Variants in MIPOL1 observed in about 807,000 individuals in gnomAD.
The protein encoded by MIPOL1 is mirror-image polydactyly 1, also known as mirror-image polydactyly gene 1 protein.
In MIPOL1, 57 loss-of-function variants were observed where a neutral mutation model predicts 60.9. That is an observed-to-expected ratio of 0.94 (90% confidence interval 0.76 to 1.17). The LOEUF is 1.17. Ranked by LOEUF, MIPOL1 falls within the 50% of genes most tolerant of loss-of-function variation. The pLI is 0.00. For synonymous variants in MIPOL1, 179 were observed against 168.8 expected (o/e 1.06, Z -0.47); for missense variants, 551 against 511.6 (o/e 1.08, Z -0.74).
intron 12 of MIPOL1, among the ~76,000 whole-genome samples, chr14:37,542,477 G>A (rs1316220308): frequency 6.6e-6 from 1 of 151,854 alleles, no homozygotes; most frequent in Non-Finnish European, 1.5e-5. Flanking sequence ...CTCTTATTTT[G>A]TTGTTCTGAG....
intron 11 of MIPOL1, among the ~76,000 whole-genome samples, chr14:37,481,560 A>ACACACACAC (rs1491233595): frequency 2.7e-5 from 3 of 113,148 alleles, no homozygotes; most frequent in African/African-American, 1.1e-4. Context: ...GACCCCCCCC[A>ACACACACAC]ACACACACAC....
intron 11 of MIPOL1, among the ~76,000 whole-genome samples, chr14:37,428,436 C>A (rs1418701281): frequency 4.6e-5 from 7 of 151,962 alleles, no homozygotes; most frequent in African/African-American, 1.7e-4. Context: ...ACAAAAAATA[C>A]AAAATTTAGC....
intron 4 of MIPOL1, among the ~76,000 whole-genome samples, chr14:37,268,118 A>G (rs2083018856): frequency 6.6e-6 from 1 of 152,196 alleles, no homozygotes; most frequent in Non-Finnish European, 1.5e-5. Flanking sequence ...TCTAGACAAA[A>G]TAATATTTTG....
chr14:37,324,076 A>G (rs1239120930), intron 9 of MIPOL1, among the ~76,000 whole-genome samples: 1 of 152,038 alleles, frequency 6.6e-6, no homozygotes, highest in Non-Finnish European at 1.5e-5. Context: ...TTGGTTAGAC[A>G]CCTAAGAGTG....
intron 9 of MIPOL1, among the ~76,000 whole-genome samples, chr14:37,344,575 G>A (rs2090809768): frequency 6.6e-6 from 1 of 151,886 alleles, no homozygotes; most frequent in Non-Finnish European, 1.5e-5. Flanking sequence ...TTCTTTCTAT[G>A]TTGTTAGCAA....
chr14:37,533,351 G>A (rs530630610), intron 12 of MIPOL1, among the ~76,000 whole-genome samples: 3 of 152,106 alleles, frequency 2.0e-5, no homozygotes, highest in East Asian at 1.9e-4. Context: ...ATTGATTCCC[G>A]ATAAGAAAAA....
At chr14:37,430,515 A>ATTTTT (rs765408771) in intron 11 of MIPOL1, among the ~76,000 whole-genome samples, 30,353 of 149,098 alleles carry the variant, frequency 0.2, 3,413 homozygotes, top group South Asian at 0.32. Flanking sequence ...TTTTTTTTAA[A>ATTTTT]AAAAAGTATA....
intron 1 of MIPOL1, among the ~76,000 whole-genome samples, chr14:37,221,740 C>T (rs1309081276): frequency 6.6e-6 from 1 of 152,168 alleles, no homozygotes; most frequent in African/African-American, 2.4e-5. Context: ...TTACCTTCCA[C>T]AAGGACCCTC....
intron 7 of MIPOL1, among the ~76,000 whole-genome samples, chr14:37,294,875 A>T (rs905512007): frequency 5.9e-5 from 9 of 152,182 alleles, no homozygotes; most frequent in African/African-American, 1.7e-4. Context: ...GTTGGAAAAC[A>T]CTCTGCAGGA....
At chr14:37,306,743 A>T (rs2153432807) in intron 7 of MIPOL1, among the ~76,000 whole-genome samples, 1 of 151,920 alleles carries the variant, frequency 6.6e-6, no homozygotes, top group African/African-American at 2.4e-5. Flanking sequence ...AGGTTTTTCA[A>T]TTGAGATGAA....
intron 10 of MIPOL1, among the ~76,000 whole-genome samples, chr14:37,379,319 T>A (rs2092863516): frequency 6.6e-6 from 1 of 152,022 alleles, no homozygotes; most frequent in African/African-American, 2.4e-5. Context: ...TAATTCAAAA[T>A]TTTTCACAAA....
rs528703098 is a variant in MIPOL1, at chr14:37,530,559, G to T, written c.1263-16346G>T. 5.8e-4 allele frequency among the ~76,000 whole-genome samples: 88 copies of T among 152,268 alleles called. No homozygotes were observed. In the Middle Eastern group the frequency reaches 0.034, roughly 59 times the overall value. On this transcript the variant is annotated intron_variant, in intron 12 of 12. Transcript: ENST00000684589. ...CTTTCCATGGAGTTTAGTGCTAAAA[G>T]TCAGAATGTCCAAAGTTATTCTGAA...
intron 11 of MIPOL1, among the ~76,000 whole-genome samples, chr14:37,462,691 A>G (rs150054322): frequency 6.6e-6 from 1 of 152,320 alleles, no homozygotes; most frequent in Non-Finnish European, 1.5e-5. Context: ...TCTCAAGTTC[A>G]AAGTTCTACA....
chr14:37,469,800 C>T (rs2094655278), intron 11 of MIPOL1, among the ~76,000 whole-genome samples: 1 of 152,170 alleles, frequency 6.6e-6, no homozygotes, highest in Admixed American at 6.5e-5. Flanking sequence ...CCCATTTTCT[C>T]TCTCTTGTGT....
chr14:37,274,964 G>A (rs1389429544), intron 6 of MIPOL1, among the ~76,000 whole-genome samples: 1 of 150,928 alleles, frequency 6.6e-6, no homozygotes, highest in East Asian at 1.9e-4. Flanking sequence ...TTTATATATG[G>A]TTTTGTTTCA....
At chr14:37,355,214 T>G (rs1171657335) in intron 9 of MIPOL1, among the ~76,000 whole-genome samples, 1 of 145,386 alleles carries the variant, frequency 6.9e-6, no homozygotes, top group Non-Finnish European at 1.5e-5. Context: ...TTCTTTTCTT[T>G]AAGAATGTTG....
intron 6 of MIPOL1, chr14:37,276,844 A>T (rs1686299239): frequency 6.6e-6 from 1 of 151,234 alleles, no homozygotes; most frequent in Non-Finnish European, 1.5e-5. Flanking sequence ...TCAGATAAGA[A>T]CATGAAGGCC....
At chr14:37,369,009 T>C (rs719135) in intron 9 of MIPOL1, among the ~76,000 whole-genome samples, 147,345 of 152,098 alleles carry the variant, frequency 0.97, 71,445 homozygotes, top group East Asian at 1. Context: ...GTCTTGGCAC[T>C]CTTTGGCTAT....
At chr14:37,499,158 C>T (rs181060103) in intron 11 of MIPOL1, among the ~76,000 whole-genome samples, 1 of 152,014 alleles carries the variant, frequency 6.6e-6, no homozygotes, top group African/African-American at 2.4e-5. Context: ...GTGCTTGGTG[C>T]CATTTCAAAA....
Sources: gnomAD v4.1 joint callset for allele counts (sites outside exome capture counted in the v4.1 genomes callset) on GRCh38, gnomAD v4.1.1 for gene constraint, MANE v1.5 for transcripts, NCBI Gene and HGNC (gene_info 2026-07-23, HGNC 2026-07-21) for gene names.